MCTP2: variants seen among roughly 807,000 people sequenced by gnomAD.
The protein encoded by MCTP2 is multiple C2 and transmembrane domain-containing protein 2.
MCTP2 carries 132 observed loss-of-function variants against 111.6 expected under a neutral mutation model. The observed-to-expected ratio is 1.18, with a 90% confidence interval of 1.03 to 1.37. The LOEUF is 1.37. Ranked by LOEUF, MCTP2 falls within the 40% of genes most tolerant of loss-of-function variation. MCTP2 has a pLI of 0.00. For synonymous variants in MCTP2, 395 were observed against 387.7 expected (o/e 1.02, Z -0.22); for missense variants, 1,183 against 1,067.9 (o/e 1.11, Z -1.50).
In MCTP2 at chr15:94,384,122, A is replaced by G. The variant is rs777592064; in HGVS notation, c.1683A>G (p.Thr561=). The G allele has an allele frequency of 1.2e-6, 2 of 1,606,682 alleles. No individual in the cohort carries two copies. The highest frequency in any genetic ancestry group is 2.2e-5 in the East Asian group (1 of 44,718). Residue 561 remains threonine, a splice_region_variant and synonymous_variant, in exon 13 of 23, where the codon ACA becomes ACG. Coordinates refer to ENST00000357742, the MANE Select transcript of MCTP2 (RefSeq NM_001385001.1). ...NLNPEWNKVF[T]FPIKDIHDVL... The stretch of plus-strand genomic sequence containing the variant: ...ACCCTGAATGGAACAAAGTTTTTAC[A>G]TTGTAAGTGCTTTAGCCTCTGGAAT...
At chr15:94,245,622 A>T (rs927431703) in intron 1 of MCTP2, among the ~76,000 whole-genome samples, 1 of 145,350 alleles carries the variant, frequency 6.9e-6, no homozygotes, top group South Asian at 2.1e-4. Flanking sequence ...ATGTACATGT[A>T]TATATACATA....
At chr15:94,416,948 G>A (rs1475474216) in intron 17 of MCTP2, among the ~76,000 whole-genome samples, 1 of 152,126 alleles carries the variant, frequency 6.6e-6, no homozygotes, top group Admixed American at 6.6e-5. Context: ...AGTAATGTGA[G>A]ACTAAGGATT....
Position 94,399,076 on chromosome 15 carries a change from G to GGAAGTATGACCCAGCTA in MCTP2, c.1890+15_1890+16insAAGTATGACCCAGCTAG. 1 of 1,331,314 alleles carries GGAAGTATGACCCAGCTA rather than the reference G, an allele frequency of 7.5e-7. No homozygotes were observed. Among genetic ancestry groups the GGAAGTATGACCCAGCTA allele is most frequent in the Non-Finnish European group, 1.1e-6 (1 of 926,886 alleles). 82.5% of individuals were successfully genotyped at this position (1,331,314 alleles called of 1,614,324 possible). On this transcript the variant is annotated intron_variant, in intron 15 of 22. Transcript: ENST00000357742. Reference sequence around the variant, plus strand: ...ATATATAATCCGGTAAGTCTAGCTGGGTCATACTTCCCGGCTTTCCCGTAC... The same window carrying GGAAGTATGACCCAGCTA: ...ATATATAATCCGGTAAGTCTAGCTGGGAAGTATGACCCAGCTAGTCATACTTCCCGGCTTTCCCGTAC...
chr15:94,360,943 C>G (rs893784257), intron 10 of MCTP2, among the ~76,000 whole-genome samples: 9 of 151,406 alleles, frequency 5.9e-5, no homozygotes, highest in African/African-American at 2.2e-4. Context: ...TACTGCTTTA[C>G]CCTGCCTCGA....
chr15:94,411,039 C>T (rs1436946285), intron 17 of MCTP2, among the ~76,000 whole-genome samples: 2 of 152,212 alleles, frequency 1.3e-5, no homozygotes, highest in Non-Finnish European at 2.9e-5. Flanking sequence ...GCCATCACAG[C>T]CCCTGAATCT....
chr15:94,329,411 G>C (rs113656586), intron 4 of MCTP2, among the ~76,000 whole-genome samples: 9 of 152,086 alleles, frequency 5.9e-5, no homozygotes, highest in Non-Finnish European at 1.2e-4. Context: ...ATAAAGAGCC[G>C]TCATTGACGC....
chr15:94,390,725 CTTTTTTTT>C (rs777312969), intron 14 of MCTP2, among the ~76,000 whole-genome samples: 10 of 112,984 alleles, frequency 8.9e-5, no homozygotes, highest in Non-Finnish European at 9.3e-5. Context: ...CTTTTCTTTT[CTTTTTTTT>C]TTTTTTTTTT....
intron 1 of MCTP2, among the ~76,000 whole-genome samples, chr15:94,270,121 A>G (rs2073829507): frequency 6.6e-6 from 1 of 152,136 alleles, no homozygotes; most frequent in Non-Finnish European, 1.5e-5. Flanking sequence ...TCACACTGAC[A>G]GGGACATTGC....
intron 19 of MCTP2, among the ~76,000 whole-genome samples, chr15:94,457,850 C>T (rs960295998): frequency 3.9e-5 from 6 of 152,104 alleles, no homozygotes; most frequent in African/African-American, 1.2e-4. Context: ...GCGAGGGACG[C>T]GGCAGCCTCC....
At chr15:94,249,333 G>A (rs1372992138) in intron 1 of MCTP2, among the ~76,000 whole-genome samples, 2 of 152,164 alleles carry the variant, frequency 1.3e-5, no homozygotes, top group African/African-American at 4.8e-5. Context: ...AAAGAAAGTT[G>A]TAGGATATTT....
At chr15:94,379,838 TTATA>T (rs1367037178) in intron 12 of MCTP2, among the ~76,000 whole-genome samples, 1 of 141,066 alleles carries the variant, frequency 7.1e-6, no homozygotes, top group Non-Finnish European at 1.5e-5. Flanking sequence ...TGACATATAA[TTATA>T]TATGATATAT....
chr15:94,367,967 A>C (rs1314561815), intron 11 of MCTP2, among the ~76,000 whole-genome samples, 176 bp downstream of exon 11: 1 of 152,236 alleles, frequency 6.6e-6, no homozygotes, highest in Non-Finnish European at 1.5e-5. Flanking sequence ...GCATTAGTGA[A>C]AAGGTGACAG....
chr15:94,292,249 A>T (rs1412061434), intron 1 of MCTP2, among the ~76,000 whole-genome samples: 1 of 152,186 alleles, frequency 6.6e-6, no homozygotes, highest in Non-Finnish European at 1.5e-5. Flanking sequence ...AGGGGGAAAA[A>T]AAAGAATATG....
intron 10 of MCTP2, among the ~76,000 whole-genome samples, chr15:94,360,631 G>C (rs989709271): frequency 6.6e-6 from 1 of 152,156 alleles, no homozygotes; most frequent in African/African-American, 2.4e-5. Flanking sequence ...CATTTCACAA[G>C]TCATTGTGCT....
At chr15:94,414,525 A>G (rs1567659922) in intron 17 of MCTP2, among the ~76,000 whole-genome samples, 1 of 152,206 alleles carries the variant, frequency 6.6e-6, no homozygotes. Flanking sequence ...GGTAAAAGCC[A>G]AGCTTCCACT....
chr15:94,236,463 G>C (rs1346095145), intron 1 of MCTP2, among the ~76,000 whole-genome samples: 1 of 141,470 alleles, frequency 7.1e-6, no homozygotes, highest in Non-Finnish European at 1.5e-5. Flanking sequence ...TAGTGACATG[G>C]ATATGTGTGC....
chr15:94,437,045 A>G (rs572072341), intron 17 of MCTP2, among the ~76,000 whole-genome samples: 1 of 151,776 alleles, frequency 6.6e-6, no homozygotes, highest in East Asian at 1.9e-4. Context: ...ACATTATAAA[A>G]CTTTAAATAA....
chr15:94,396,605 C>T (rs2081295449), intron 14 of MCTP2, among the ~76,000 whole-genome samples: 1 of 152,112 alleles, frequency 6.6e-6, no homozygotes, highest in Non-Finnish European at 1.5e-5. Flanking sequence ...GTAGTCTCTT[C>T]TGTTACTATC....
At chr15:94,254,124 T>C (rs1230809198) in intron 1 of MCTP2, among the ~76,000 whole-genome samples, 1 of 152,244 alleles carries the variant, frequency 6.6e-6, no homozygotes, top group African/African-American at 2.4e-5. Flanking sequence ...TGATTGCTTC[T>C]GTTTATTATT....
Sources: gnomAD v4.1 joint callset for allele counts (sites outside exome capture counted in the v4.1 genomes callset) on GRCh38, gnomAD v4.1.1 for gene constraint, MANE v1.5 for transcripts, NCBI Gene and HGNC (gene_info 2026-07-23, HGNC 2026-07-21) for gene names.